The following KCNC4 variants were observed in gnomAD, a reference collection of about 807,000 sequenced individuals.
KCNC4 encodes the protein voltage-gated potassium channel KCNC4.
Under a neutral mutation model 42.8 loss-of-function variants are expected in KCNC4, and 23 were observed. The observed-to-expected ratio is 0.54, with a 90% CI of 0.39 to 0.76. The LOEUF (loss-of-function observed/expected upper bound fraction) is 0.76, where lower values mean the gene tolerates loss of function less well. KCNC4 is among the 30% of genes least tolerant of loss of function. The pLI is 0.00. For missense variants in KCNC4, 751 were observed against 898.2 expected (o/e 0.84, Z 2.10); for synonymous variants, 422 against 393.5 (o/e 1.07, Z -0.86).
downstream of KCNC4, among the ~76,000 whole-genome samples, chr1:110,253,134 G>A (rs1028825243): frequency 6.6e-6 from 1 of 152,138 alleles, no homozygotes; most frequent in Admixed American, 6.6e-5. Context: ...ATGCACAATG[G>A]CTCCCTCCAC....
At chr1:110,277,940 G>A (rs959644360) in intron 1 of KCNC4, among the ~76,000 whole-genome samples, 9 of 152,176 alleles carry the variant, frequency 5.9e-5, no homozygotes, top group Admixed American at 3.9e-4. Context: ...CTTGAGCCCC[G>A]GAGTTTGAGA....
chr1:110,225,799 G>A (rs192802502), intron 2 of KCNC4, 176 bp from the exon 3 acceptor site: 6 of 606,756 alleles, frequency 9.9e-6, no homozygotes, highest in African/African-American at 1.8e-5. Context: ...ACCAAGTGTA[G>A]CATCCCTGCC....
chr1:110,259,603 C>T (rs1293341069), intron 1 of KCNC4, among the ~76,000 whole-genome samples: 1 of 152,266 alleles, frequency 6.6e-6, no homozygotes, highest in East Asian at 1.9e-4. Flanking sequence ...CATTTGGCCT[C>T]ACCCTTCCCC....
chr1:110,212,324 T>A, intron 1 of KCNC4, 147 bp downstream of exon 1: 1 of 855,670 alleles, frequency 1.2e-6, no homozygotes. Context: ...CCCCCCTCCG[T>A]GGCTCGCAGG....
At chr1:110,220,538 A>G (rs1658042195) in intron 1 of KCNC4, 1 of 144,798 alleles carries the variant, frequency 6.9e-6, no homozygotes, top group Non-Finnish European at 1.5e-5. Flanking sequence ...CCAAGTCACT[A>G]ATTAACTTCA....
At chr1:110,263,170 C>T (rs548706514) in intron 1 of KCNC4, among the ~76,000 whole-genome samples, 17 of 152,278 alleles carry the variant, frequency 1.1e-4, no homozygotes, top group African/African-American at 4.1e-4. Context: ...GGCTTTTCAA[C>T]CTGTTTTGGG....
intron 1 of KCNC4, among the ~76,000 whole-genome samples, chr1:110,278,387 G>A (rs951355140): frequency 6.6e-6 from 1 of 152,016 alleles, no homozygotes; most frequent in Non-Finnish European, 1.5e-5. Context: ...AGGTGTTTTG[G>A]GTTGTAACAA....
At chr1:110,269,872 C>T (rs1012327022) in intron 1 of KCNC4, among the ~76,000 whole-genome samples, 3 of 152,148 alleles carry the variant, frequency 2.0e-5, no homozygotes, top group Non-Finnish European at 4.4e-5. Context: ...TTCCCCATTC[C>T]AACCTCCCTC....
intron 1 of KCNC4, among the ~76,000 whole-genome samples, chr1:110,279,035 T>C (rs1190555653): frequency 6.6e-6 from 1 of 152,056 alleles, no homozygotes; most frequent in Non-Finnish European, 1.5e-5. Flanking sequence ...TCTTCATCAC[T>C]CCACCCACCA....
chr1:110,258,930 C>T (rs1417498943), intron 1 of KCNC4, among the ~76,000 whole-genome samples: 3 of 152,180 alleles, frequency 2.0e-5, no homozygotes, highest in Non-Finnish European at 4.4e-5. Flanking sequence ...AAGGTCTTCT[C>T]CACGCTGAAA....
intron 1 of KCNC4, among the ~76,000 whole-genome samples, chr1:110,255,996 A>G (rs973304016): frequency 2.0e-5 from 3 of 152,166 alleles, no homozygotes; most frequent in Admixed American, 6.5e-5. Context: ...TTTGCAGTAG[A>G]GGCTAGTTCT....
Position 110,212,120 on chromosome 1 carries a change from C to G in KCNC4, c.621C>G (p.Gly207=), listed in dbSNP as rs1353703642. The change falls in exon 1 of 4, where the codon GGC becomes GGG. Residue 207 remains glycine, a synonymous_variant. Coordinates refer to ENST00000438661, the MANE Select transcript of KCNC4 (RefSeq NM_001039574.3). ...GHGAGSGGCR[G]WQPRMWALFE... ...GCGCCGGGTCTGGGGGCTGCCGCGG[C>G]TGGCAGCCCCGCATGTGGGCGCTCT... The G allele has an allele frequency of 1.3e-6, 2 of 1,501,600 alleles. No homozygotes were observed. Among genetic ancestry groups the G allele is most frequent in the Admixed American group, 2.5e-5 (1 of 40,690 alleles). The allele number at this position is 1,501,600 out of a possible 1,614,324, so 93.0% of individuals were successfully genotyped here.
intron 1 of KCNC4, among the ~76,000 whole-genome samples, chr1:110,267,318 G>T (rs1033167255): frequency 1.3e-5 from 2 of 152,112 alleles, no homozygotes; most frequent in African/African-American, 4.8e-5. Flanking sequence ...GCTGTCTAGG[G>T]GTTTTCTTTG....
downstream of KCNC4, chr1:110,237,361 G>A (rs1366006570): frequency 1.3e-5 from 2 of 151,982 alleles, no homozygotes; most frequent in Admixed American, 6.6e-5. Context: ...AAATCAACAG[G>A]GAATCCCCTG....
At chr1:110,226,261 C>T (rs1046051075) in intron 3 of KCNC4, 83 bp downstream of exon 3, 17 of 1,225,614 alleles carry the variant, frequency 1.4e-5, no homozygotes, top group Non-Finnish European at 1.9e-5. Context: ...TGAGGTCCCC[C>T]CCTCCCCTGA....
At chr1:110,219,065 G>T (rs1657959533) in intron 1 of KCNC4, among the ~76,000 whole-genome samples, 1 of 152,204 alleles carries the variant, frequency 6.6e-6, no homozygotes, top group African/African-American at 2.4e-5. Context: ...GTGGTGGAAA[G>T]AACTAGCAGC....
intron 1 of KCNC4, among the ~76,000 whole-genome samples, chr1:110,276,969 C>T (rs61784536): frequency 0.26 from 38,889 of 152,128 alleles, 5,502 homozygotes; most frequent in Non-Finnish European, 0.32. Flanking sequence ...ATACCACCCA[C>T]ACATTTTTCA....
intron 1 of KCNC4, among the ~76,000 whole-genome samples, chr1:110,274,271 T>C (rs1659681625): frequency 6.6e-6 from 1 of 152,136 alleles, no homozygotes; most frequent in Non-Finnish European, 1.5e-5. Flanking sequence ...CCTAGGAATA[T>C]ATTTAACCAA....
chr1:110,225,670 C>T (rs1217875343), intron 2 of KCNC4: 2 of 335,976 alleles, frequency 6.0e-6, no homozygotes, highest in African/African-American at 4.1e-5. Flanking sequence ...TTGGGCTGAT[C>T]TCCTGGGGCA....
Sources: gnomAD v4.1 joint callset for allele counts (sites outside exome capture counted in the v4.1 genomes callset) on GRCh38, gnomAD v4.1.1 for gene constraint, MANE v1.5 for transcripts, NCBI Gene and HGNC (gene_info 2026-07-23, HGNC 2026-07-21) for gene names.